CAPN13: variants seen among roughly 807,000 people sequenced by gnomAD.
The protein encoded by CAPN13 is calpain 13, also known as calpain-13.
A neutral mutation model predicts 98.4 loss-of-function variants in CAPN13; 90 were observed. The observed-to-expected ratio is 0.92, with a 90% CI of 0.77 to 1.09. The LOEUF is 1.09. Among genes scored for constraint, CAPN13 ranks in the 50% least tolerant of loss-of-function variants. The probability of loss-of-function intolerance (pLI) is 0.00; values close to 1 mark genes in which losing one functional copy is unlikely to be tolerated. For missense variants in CAPN13, 887 were observed against 841.3 expected (o/e 1.05, Z -0.67); for synonymous variants, 330 against 305.5 (o/e 1.08, Z -0.84).
chr2:30,774,145 A>G (rs981633138), intron 4 of CAPN13, among the ~76,000 whole-genome samples: 2 of 152,162 alleles, frequency 1.3e-5, no homozygotes, highest in Admixed American at 1.3e-4. Context: ...TTAAAAATTA[A>G]TAAAAGTAAG....
In CAPN13 at chr2:30,738,263, T is replaced by C. The variant is rs769831293; in HGVS notation, c.1625A>G (p.Glu542Gly). The change falls in exon 17 of 23, where the codon GAG becomes GGG. Residue 542 changes from glutamate (E) to glycine (G), a missense_variant. Glu to Gly is a moderately conservative substitution (Grantham distance 98). Transcript: ENST00000295055. ...CATCAGAGCCACCAAGCTGCGGCAC[T>C]CATCTAAGGAGAACATGTCCCCTGG... ...GPPGDMFSLD[E>G]CRSLVALMEL... The C allele has an allele frequency of 1.2e-5, 20 of 1,613,870 alleles. No homozygotes were observed. Among genetic ancestry groups the C allele is most frequent in the Non-Finnish European group, 1.6e-5 (19 of 1,179,864 alleles).
At chr2:30,763,316 G>A (rs1672939811) in intron 6 of CAPN13, among the ~76,000 whole-genome samples, 160 bp from the exon 7 acceptor site, 2 of 152,274 alleles carry the variant, frequency 1.3e-5, no homozygotes, top group African/African-American at 4.8e-5. Flanking sequence ...AGAGTTGGAA[G>A]GCCATTGGGT....
chr2:30,729,999 C>T (rs1047893289), intron 22 of CAPN13: 3 of 152,020 alleles, frequency 2.0e-5, no homozygotes, highest in Non-Finnish European at 4.4e-5. Context: ...CTACAGTGGT[C>T]CAGAGAGTAG....
In CAPN13 at chr2:30,732,572, G is replaced by T; in HGVS notation, c.1799-6C>A. The T allele has an allele frequency of 6.2e-7, 1 of 1,605,204 alleles. No individual in the cohort carries two copies. ...GAAGATCCCTCTGAGGAAGTCTGGG[G>T]CCACAGGTGAACGAGTGAGTGAGAG... is the stretch of plus-strand genomic sequence containing the variant. On this transcript the variant is annotated splice_polypyrimidine_tract_variant and splice_region_variant and intron_variant, in intron 19 of 22. Coordinates refer to ENST00000295055, the MANE Select transcript of CAPN13 (RefSeq NM_144575.3).
intron 20 of CAPN13, among the ~76,000 whole-genome samples, chr2:30,732,037 G>A (rs948609490): frequency 6.6e-6 from 1 of 152,132 alleles, no homozygotes. Context: ...CCACACAGTT[G>A]GATTTCTGAA....
chr2:30,732,878 T>C (rs1372448909), intron 19 of CAPN13, among the ~76,000 whole-genome samples: 1 of 152,234 alleles, frequency 6.6e-6, no homozygotes, highest in African/African-American at 2.4e-5. Flanking sequence ...CTTCTAGCTC[T>C]GCCTCTGTCA....
chr2:30,770,789 G>A (rs941627470), intron 4 of CAPN13, among the ~76,000 whole-genome samples: 6 of 152,220 alleles, frequency 3.9e-5, no homozygotes, highest in Admixed American at 3.3e-4. Context: ...TACTTCTTGT[G>A]CACAAAATGG....
In CAPN13 at chr2:30,743,552, A is replaced by T. The variant is rs377694077; in HGVS notation, c.1276T>A (p.Phe426Ile). 6.2e-6 allele frequency: 10 copies of T among 1,613,888 alleles called. No homozygotes were observed. Among genetic ancestry groups the T allele is most frequent in the Non-Finnish European group, 7.6e-6 (9 of 1,179,904 alleles). ...QRFREKFPPV[F>I]FSSFRNTVQS... is the part of the protein sequence containing the mutation. Reference sequence around the variant, plus strand: ...ACAGTGTTTCTGAACGAGGAAAAAAACACGGGTGGAAATTTCTCCCGGAAC... The same window carrying T: ...ACAGTGTTTCTGAACGAGGAAAAAATCACGGGTGGAAATTTCTCCCGGAAC... Residue 426 changes from phenylalanine to isoleucine, a missense_variant, in exon 13 of 23, where the codon TTT (phenylalanine) becomes ATT (isoleucine). Phe to Ile is a conservative substitution (Grantham distance 21). Transcript: ENST00000295055.
chr2:30,773,056 C>A (rs1209948584), intron 4 of CAPN13, among the ~76,000 whole-genome samples: 1 of 152,174 alleles, frequency 6.6e-6, no homozygotes, highest in East Asian at 1.9e-4. Flanking sequence ...GATCTCCTGA[C>A]CTCGTGATCT....
intron 5 of CAPN13, among the ~76,000 whole-genome samples, chr2:30,769,893 C>T (rs144306581): frequency 6.6e-6 from 1 of 152,186 alleles, no homozygotes; most frequent in East Asian, 1.9e-4. Flanking sequence ...CCCACCTATC[C>T]CCTCTCCCCT....
chr2:30,732,217 T>A (rs1381688304), intron 20 of CAPN13, among the ~76,000 whole-genome samples: 1 of 151,890 alleles, frequency 6.6e-6, no homozygotes, highest in Non-Finnish European at 1.5e-5. Context: ...GTCAGGGTGA[T>A]GAGGAAAAGA....
At chr2:30,806,393 C>T (rs957603983) in intron 1 of CAPN13, 3 of 143,064 alleles carry the variant, frequency 2.1e-5, no homozygotes, top group Admixed American at 2.1e-4. Context: ...ACTCCTCCAA[C>T]CTTCAAAATA....
At chr2:30,731,067 C>T (rs1330368862) in intron 21 of CAPN13, among the ~76,000 whole-genome samples, 1 of 152,234 alleles carries the variant, frequency 6.6e-6, no homozygotes, top group East Asian at 1.9e-4. Flanking sequence ...GTACAGTGAG[C>T]TCAGCGGGCT....
At chr2:30,726,511 T>G (rs1427807547) in intron 22 of CAPN13, among the ~76,000 whole-genome samples, 2 of 150,542 alleles carry the variant, frequency 1.3e-5, no homozygotes, top group Non-Finnish European at 3.0e-5. Flanking sequence ...ATATTGGAAC[T>G]AATAAACAAG....
intron 12 of CAPN13, among the ~76,000 whole-genome samples, chr2:30,744,463 T>C (rs1671810132): frequency 1.3e-5 from 2 of 152,210 alleles, no homozygotes; most frequent in African/African-American, 4.8e-5. Context: ...AAAGCAATGA[T>C]GGAATCAGTT....
At chr2:30,777,690 C>T in intron 2 of CAPN13, 51 bp from the exon 3 acceptor site, 1 of 1,373,722 alleles carries the variant, frequency 7.3e-7, no homozygotes, top group Non-Finnish European at 1.0e-6. Context: ...CCTTTGTATC[C>T]CAAAGCGACA....
chr2:30,800,128 G>GAAAGAAAGAAAGAAAGAA (rs1558351425), intron 1 of CAPN13, among the ~76,000 whole-genome samples: 9 of 129,350 alleles, frequency 7.0e-5, no homozygotes, highest in African/African-American at 2.2e-4. Flanking sequence ...AAGAAAGAAA[G>GAAAGAAAGAAAGAAAGAA]AAAGAAAGAA....
intron 12 of CAPN13, 54 bp from the exon 13 acceptor site, chr2:30,743,633 C>T: frequency 6.5e-7 from 1 of 1,536,034 alleles, no homozygotes; most frequent in African/African-American, 1.4e-5. Flanking sequence ...GTGCATGGAC[C>T]CCAGTCACCA....
intron 1 of CAPN13, among the ~76,000 whole-genome samples, chr2:30,797,266 C>T (rs933589620): frequency 6.6e-6 from 1 of 152,114 alleles, no homozygotes; most frequent in South Asian, 2.1e-4. Flanking sequence ...CAACTGTACT[C>T]CCAACCCCTA....
Sources: gnomAD v4.1 joint callset for allele counts (sites outside exome capture counted in the v4.1 genomes callset) on GRCh38, gnomAD v4.1.1 for gene constraint, MANE v1.5 for transcripts, NCBI Gene and HGNC (gene_info 2026-07-23, HGNC 2026-07-21) for gene names.